The following SENP8 variants were observed in gnomAD, a reference collection of about 807,000 sequenced individuals.
SENP8 encodes SUMO peptidase family member, NEDD8 specific, also known as sentrin-specific protease 8.
In SENP8, 10 loss-of-function variants were observed where a neutral mutation model predicts 14.4. The ratio of observed to expected loss-of-function variants is 0.69; its 90% CI spans 0.43 to 1.18. The LOEUF (loss-of-function observed/expected upper bound fraction) is 1.18, where lower values mean the gene tolerates loss of function less well. Among genes scored for constraint, SENP8 ranks in the 50% most tolerant of loss-of-function variants. SENP8 has a pLI of 0.00. For synonymous variants in SENP8, 94 were observed against 95.5 expected (o/e 0.98, Z 0.09); for missense variants, 202 against 249.4 (o/e 0.81, Z 1.28).
At chr15:72,116,587 G>A (rs1195332356), upstream of SENP8, among the ~76,000 whole-genome samples, 1 of 152,148 alleles carries the variant, frequency 6.6e-6, no homozygotes, top group Admixed American at 6.5e-5. Flanking sequence ...ATTAAGGAAT[G>A]CTACAAATCT....
In SENP8 at chr15:72,139,710, C is replaced by A. The variant is rs764844600; in HGVS notation, c.87C>A (p.Asp29Glu). The A allele has an allele frequency of 1.9e-5, 31 of 1,614,156 alleles. No individual in the cohort carries two copies. The South Asian group carries it at 3.4e-4, about 18-fold the overall frequency. Residue 29 changes from aspartate to glutamate, a missense_variant, in exon 2 of 2, where the codon GAC (aspartate) becomes GAA (glutamate). Asp to Glu is a conservative substitution (Grantham distance 45). Coordinates refer to ENST00000340912, the MANE Select transcript of SENP8 (RefSeq NM_145204.4). ...TGGATCCGCCAAGCTGGCTCAATGA[C>A]CATATTATTGGGTTTGCGTTTGAGT... ...SLLDPPSWLN[D>E]HIIGFAFEYF... is the part of the protein sequence containing the mutation.
At chr15:72,134,450 G>A (rs1001643517) in intron 1 of SENP8, among the ~76,000 whole-genome samples, 5 of 152,238 alleles carry the variant, frequency 3.3e-5, no homozygotes, top group East Asian at 1.9e-4. Flanking sequence ...ATGGTGGTAC[G>A]CACCTGCAGT....
intron 1 of SENP8, among the ~76,000 whole-genome samples, chr15:72,128,835 G>A (rs2081244203): frequency 6.6e-6 from 1 of 152,234 alleles, no homozygotes; most frequent in Non-Finnish European, 1.5e-5. Context: ...GCCAAAGCGA[G>A]TGAGGAAGGC....
intron 1 of SENP8, among the ~76,000 whole-genome samples, chr15:72,119,510 A>T (rs1466045231): frequency 6.6e-6 from 1 of 152,154 alleles, no homozygotes; most frequent in African/African-American, 2.4e-5. Flanking sequence ...GCACTTTGGG[A>T]GGCCGAGGCG....
At chr15:72,116,923 C>G (rs2081002541), upstream of SENP8, 1 of 152,268 alleles carries the variant, frequency 6.6e-6, no homozygotes, top group African/African-American at 2.4e-5. Flanking sequence ...CAGCCCAACC[C>G]CTCCAAACAT....
chr15:72,135,219 G>A (rs552149443), intron 1 of SENP8: 250 of 178,198 alleles, frequency 1.4e-3, no homozygotes, highest in Non-Finnish European at 2.1e-3. Context: ...CCACCACCAC[G>A]CCCGGCTAAT....
intron 1 of SENP8, among the ~76,000 whole-genome samples, chr15:72,130,524 G>A (rs1596649059): frequency 6.7e-6 from 1 of 149,970 alleles, no homozygotes; most frequent in East Asian, 2.0e-4. Flanking sequence ...GTAATTTGCT[G>A]ACCTTTGGAC....
rs987025234 is a variant in SENP8 at position 72,140,315 on chromosome 15, T to C, written c.*53T>C. On this transcript the variant is annotated 3_prime_UTR_variant, in exon 2 of 2. Coordinates refer to ENST00000340912, the MANE Select transcript of SENP8 (RefSeq NM_145204.4). ...AGGCTCCTCTTTCTGCCCTTCCCCA[T>C]TTGTTGGATGGCTGCAATCTCAGTG... 7.6e-7 allele frequency: 1 copy of C among 1,313,662 alleles called. No individual in the cohort carries two copies. The highest frequency in any genetic ancestry group is 1.1e-6 in the Non-Finnish European group (1 of 921,288). 81.4% of individuals were successfully genotyped at this position (1,313,662 alleles called of 1,614,324 possible).
intron 1 of SENP8, among the ~76,000 whole-genome samples, chr15:72,131,962 G>A (rs1433941302): frequency 6.6e-6 from 1 of 152,184 alleles, no homozygotes; most frequent in African/African-American, 2.4e-5. Context: ...AGAGCCTACT[G>A]TAGATCAGAC....
chr15:72,131,911 C>T (rs578238864), intron 1 of SENP8, among the ~76,000 whole-genome samples: 3 of 152,246 alleles, frequency 2.0e-5, no homozygotes, highest in South Asian at 2.1e-4. Context: ...ATTATTGCCA[C>T]CTCAAACATA....
chr15:72,138,837 T>C (rs781071741), intron 1 of SENP8, among the ~76,000 whole-genome samples: 5 of 151,194 alleles, frequency 3.3e-5, no homozygotes, highest in Non-Finnish European at 7.4e-5. Context: ...TGGTGGCACA[T>C]GCCTGTAATC....
upstream of SENP8, among the ~76,000 whole-genome samples, chr15:72,114,834 C>A (rs1326549976): frequency 2.6e-5 from 4 of 152,116 alleles, no homozygotes; most frequent in Non-Finnish European, 5.9e-5. Context: ...ATATTTATTT[C>A]AAACTGAGTT....
Position 72,140,202 on chromosome 15 carries a change from A to G in SENP8, c.579A>G (p.Ala193=), listed in dbSNP as rs367813055. ...TESLLQLLTP[A]YITKKRGEWK... ...CACTGCTGCAGCTACTCACCCCTGC[A>G]TACATCACAAAGAAGAGGGGAGAAT... Residue 193 remains alanine (A), a synonymous_variant, in exon 2 of 2, where the codon GCA becomes GCG. Transcript: ENST00000340912. The G allele has an allele frequency of 2.2e-4, 357 of 1,614,092 alleles. No individual in the cohort carries two copies. The highest frequency in any genetic ancestry group is 2.8e-4 in the Non-Finnish European group (335 of 1,180,018).
rs935725211 is a variant in SENP8, at chr15:72,132,999, C to T, written c.-47-6578C>T. Among the ~76,000 whole-genome samples, 4 of 152,208 alleles carry T rather than the reference C, an allele frequency of 2.6e-5. No homozygotes were observed. The East Asian group carries it at 5.8e-4, about 22-fold the overall frequency. On this transcript the variant is annotated intron_variant, in intron 1 of 1. Transcript: ENST00000340912. ...CAGCCTGGCCAACATGGTGAAACCC[C>T]GTCTCTACTAAAAATACAAAAATTA...
chr15:72,139,588 C>T lies in SENP8; in HGVS notation c.-36C>T. The T allele has an allele frequency of 1.3e-6, 2 of 1,581,606 alleles. No homozygotes were observed. On this transcript the variant is annotated 5_prime_UTR_variant, in exon 2 of 2. Coordinates refer to ENST00000340912, the MANE Select transcript of SENP8 (RefSeq NM_145204.4). ...ATATTGTCTTCTAGCTCTTGTTCAG[C>T]TTCTGGAATTTCTGAGCAGCCCTCG... is the stretch of plus-strand genomic sequence containing the variant.
intron 1 of SENP8, among the ~76,000 whole-genome samples, chr15:72,134,053 G>C (rs1442141044): frequency 6.6e-6 from 1 of 152,022 alleles, no homozygotes; most frequent in Non-Finnish European, 1.5e-5. Flanking sequence ...GGTTCAAGCT[G>C]TTCTTGTGCC....
upstream of SENP8, chr15:72,117,633 GGGCCA>G: frequency 2.5e-6 from 1 of 394,940 alleles, no homozygotes. Flanking sequence ...GCTGAGACGT[GGGCCA>G]GGACGGGCTG....
Position 72,126,177 on chromosome 15 carries a change from T to C in SENP8, c.-48+7713T>C, listed in dbSNP as rs1430409940. On this transcript the variant is annotated intron_variant, in intron 1 of 1. Transcript: ENST00000340912. ...AAATACCTATGAAAGCCTGTGGAACTGAGCTGTCCAGTATACTAGCACTAG... is the reference window on the plus strand; with the variant it reads ...AAATACCTATGAAAGCCTGTGGAACCGAGCTGTCCAGTATACTAGCACTAG... 2.0e-5 allele frequency among the ~76,000 whole-genome samples: 3 copies of C among 152,144 alleles called. No homozygotes were observed. The East Asian group carries it at 5.8e-4, about 29-fold the overall frequency.
upstream of SENP8, chr15:72,117,551 C>A: frequency 2.8e-6 from 1 of 362,882 alleles, no homozygotes; most frequent in East Asian, 4.0e-5. Flanking sequence ...TTGGGAGGCT[C>A]GGCGCAGACC....
Sources: gnomAD v4.1 joint callset for allele counts (sites outside exome capture counted in the v4.1 genomes callset) on GRCh38, gnomAD v4.1.1 for gene constraint, MANE v1.5 for transcripts, NCBI Gene and HGNC (gene_info 2026-07-23, HGNC 2026-07-21) for gene names.